DVL2: variants seen among roughly 807,000 people sequenced by gnomAD.
DVL2 encodes the protein dishevelled segment polarity protein 2.
Under a neutral mutation model 69.8 loss-of-function variants are expected in DVL2, and 38 were observed. The observed-to-expected ratio is 0.54, with a 90% confidence interval of 0.42 to 0.71. DVL2 has a LOEUF of 0.71. DVL2 is among the 30% of genes least tolerant of loss of function. DVL2 has a pLI of 0.00. For synonymous variants in DVL2, 428 were observed against 392.4 expected (o/e 1.09, Z -1.07); for missense variants, 931 against 1,008.1 (o/e 0.92, Z 1.04).
At chr17:7,228,933 G>A (rs760224137) in intron 9 of DVL2, 36 bp downstream of exon 9, 1 of 1,591,926 alleles carries the variant, frequency 6.3e-7, no homozygotes, top group Non-Finnish European at 8.6e-7. Flanking sequence ...GAAAAAAAAA[G>A]AGGACTGAGG....
At position 7,225,516 on chromosome 17, in the gene DVL2, A is replaced by T. The variant is rs571452465; in HGVS notation, c.*349T>A. ...CCTGCAAAGGGCAGGGCTGTGGGTA[A>T]CTGGAGGAGGAGGTCACATTCTGGG... On this transcript the variant is annotated 3_prime_UTR_variant, in exon 15 of 15. Transcript: ENST00000005340. 13 of 412,930 alleles carry T rather than the reference A, an allele frequency of 3.1e-5. No individual in the cohort carries two copies. The East Asian group carries it at 6.5e-4, about 21-fold the overall frequency. The allele number at this position is 412,930 out of a possible 1,614,324, so 25.6% of individuals were successfully genotyped here.
intron 2 of DVL2, 102 bp downstream of exon 2, chr17:7,230,626 G>A: frequency 7.3e-7 from 1 of 1,362,118 alleles, no homozygotes; most frequent in Non-Finnish European, 1.0e-6. Flanking sequence ...AAAGAGCCAG[G>A]GCTGCTAACG....
In DVL2 at chr17:7,229,925, C is replaced by A; in HGVS notation, c.539G>T (p.Gly180Val). The change falls in exon 5 of 15, where the codon GGT becomes GTT. Residue 180 changes from glycine to valine, a missense_variant. By Grantham distance (109) the Gly-to-Val change is moderately radical. Around this residue, in one of 3 missense-constraint regions of DVL2, gnomAD observed 555 missense variants for 588.8 expected, o/e 0.94. Coordinates refer to ENST00000005340, the MANE Select transcript of DVL2 (RefSeq NM_004422.3). This position sits in a 1 kb window ranked among gnomAD's most constrained non-coding sequence, Gnocchi z 4.4. ...SEHGAGGHRT[G>V]GPSRLERHLA... is the part of the protein sequence containing the mutation. ...GTGGCGCTCCAGCCTTGAGGGGCCA[C>A]CAGTCCTGTGGCCCCCAGCTACATA... The A allele has an allele frequency of 6.2e-7, 1 of 1,608,748 alleles. No individual in the cohort carries two copies. The highest frequency in any genetic ancestry group is 8.5e-7 in the Non-Finnish European group (1 of 1,179,852).
At position 7,229,933 on chromosome 17, in the gene DVL2, G is replaced by A; in HGVS notation, c.531C>T (p.His177=). 1 of 1,608,366 alleles carries A rather than the reference G, an allele frequency of 6.2e-7. No homozygotes were observed. Among genetic ancestry groups the A allele is most frequent in the Non-Finnish European group, 8.5e-7 (1 of 1,179,796 alleles). ...CCAGCCTTGAGGGGCCACCAGTCCT[G>A]TGGCCCCCAGCTACATATGGACAGG... ...RDSSEHGAGG[H]RTGGPSRLER... Residue 177 remains histidine (H), a synonymous_variant, in exon 5 of 15, where the codon CAC becomes CAT. Transcript: ENST00000005340. The surrounding 1 kb of genome is among the most constrained non-coding windows in gnomAD (Gnocchi z 4.4).
chr17:7,230,200 G>A, intron 3 of DVL2, 45 bp from the exon 4 acceptor site: 1 of 1,610,768 alleles, frequency 6.2e-7, no homozygotes, highest in South Asian at 1.1e-5. Context: ...GGAGAACAGG[G>A]CTCCGGATCC....
chr17:7,233,239 C>A (rs1438874144), intron 1 of DVL2, among the ~76,000 whole-genome samples: 1 of 152,136 alleles, frequency 6.6e-6, no homozygotes, highest in Non-Finnish European at 1.5e-5. Context: ...ATAGCCCAAT[C>A]TATTCTAGCA....
intron 11 of DVL2, 24 bp downstream of exon 11, chr17:7,227,631 G>C: frequency 6.2e-7 from 1 of 1,614,184 alleles, no homozygotes; most frequent in Non-Finnish European, 8.5e-7. Flanking sequence ...TGGGAGGGTG[G>C]GATGAGGTGG....
intron 9 of DVL2, 85 bp downstream of exon 9, chr17:7,228,884 C>CT: frequency 7.0e-7 from 1 of 1,432,994 alleles, no homozygotes; most frequent in Non-Finnish European, 9.7e-7. Flanking sequence ...GCCCGGCTGT[C>CT]TTAGTACTTA....
At position 7,230,446 on chromosome 17, in the gene DVL2, T is replaced by C; in HGVS notation, c.265-16A>G. On this transcript the variant is annotated splice_polypyrimidine_tract_variant and intron_variant, in intron 2 of 14. Transcript: ENST00000005340. Reference sequence around the variant, plus strand: ...AGGACACCAGCTAGAAGGGTGCAAATGATAAACAGTGGCTCACTTGGGAGT... The same window carrying C: ...AGGACACCAGCTAGAAGGGTGCAAACGATAAACAGTGGCTCACTTGGGAGT... The C allele has an allele frequency of 6.2e-7, 1 of 1,611,776 alleles. No individual in the cohort carries two copies. The highest frequency in any genetic ancestry group is 8.5e-7 in the Non-Finnish European group (1 of 1,178,318).
At position 7,230,762 on chromosome 17, in the gene DVL2, CG is replaced by C; in HGVS notation, c.229del (p.Arg77AlafsTer80). ...VKEEISDDNA[R>X]LPCFNGRVVS... is the part of the protein sequence containing the mutation. ...CACCCTTCCGTTGAAGCAGGGGAGG[CG>C]GGCGTTGTCATCTGAAATTTCTTCC... On this transcript the variant is annotated frameshift_variant, in exon 2 of 15. Coordinates refer to ENST00000005340, the MANE Select transcript of DVL2 (RefSeq NM_004422.3). LOFTEE classifies it high-confidence loss of function. 1 of 1,613,362 alleles carries C rather than the reference CG, an allele frequency of 6.2e-7. No individual in the cohort carries two copies. The highest frequency in any genetic ancestry group is 1.7e-4 in the Middle Eastern group (1 of 6,054).
In DVL2 at chr17:7,229,742, A is replaced by C. The variant is rs756349052; in HGVS notation, c.657-64T>G. On this transcript the variant is annotated intron_variant, in intron 5 of 14. Transcript: ENST00000005340. This position sits in a 1 kb window ranked among gnomAD's most constrained non-coding sequence, Gnocchi z 4.4. ...AGTGGTCATGGGGCCAAGAGAAAGA[A>C]CAAGAGGATTGACTGGAAGACGAGA... is the stretch of plus-strand genomic sequence containing the variant. The C allele has an allele frequency of 1.1e-4, 173 of 1,585,960 alleles. No homozygotes were observed. The highest frequency in any genetic ancestry group is 1.5e-4 in the Non-Finnish European group (169 of 1,162,344).
chr17:7,230,394 G>A lies in DVL2; in HGVS notation c.301C>T (p.Pro101Ser), dbSNP rs1261612115. The A allele has an allele frequency of 1.2e-6, 2 of 1,614,170 alleles. No individual in the cohort carries two copies. Among genetic ancestry groups the A allele is most frequent in the Admixed American group, 3.3e-5 (2 of 60,022 alleles). Residue 101 changes from proline to serine, a missense_variant, in exon 3 of 15, where the codon CCT becomes TCT. Physicochemically the swap from Pro to Ser is moderately conservative, Grantham distance 74. This residue lies in a region of DVL2 where 555 missense variants were observed against 588.8 expected (regional missense o/e 0.94). Coordinates refer to ENST00000005340, the MANE Select transcript of DVL2 (RefSeq NM_004422.3). ...SSDNPQPEMA[P>S]PVHEPRAELA... ...TCTGCCCGAGGCTCATGGACTGGAGGGGCCATCTCGGGTTGGGGATTATCT... is the reference window on the plus strand; with the variant it reads ...TCTGCCCGAGGCTCATGGACTGGAGAGGCCATCTCGGGTTGGGGATTATCT...
At position 7,227,801 on chromosome 17, in the gene DVL2, C is replaced by T. The variant is rs377746549; in HGVS notation, c.1103-18G>A. 2 of 1,560,062 alleles carry T rather than the reference C, an allele frequency of 1.3e-6. No individual in the cohort carries two copies. The highest frequency in any genetic ancestry group is 3.9e-5 in the Admixed American group (2 of 51,798). On this transcript the variant is annotated intron_variant, in intron 10 of 14. Coordinates refer to ENST00000005340, the MANE Select transcript of DVL2 (RefSeq NM_004422.3). ...GGGCTCATCTGGGACAAAGATGGCA[C>T]CAAAATGACCCATTCTCAGTCCCCA...
Position 7,226,620 on chromosome 17 carries a change from G to A in DVL2, c.1563C>T (p.Leu521=), listed in dbSNP as rs764939670. Residue 521 remains leucine, a synonymous_variant, in exon 14 of 15, where the codon CTC becomes CTT. Transcript: ENST00000005340. ...CCCCACTGGAGCCATCGTTGTCATT[G>A]AGAGACAGGTTGACTAGGTCTGGAA... ...GCESYLVNLS[L]NDNDGSSGAS... The A allele has an allele frequency of 6.4e-7, 1 of 1,573,072 alleles. No individual in the cohort carries two copies.
chr17:7,226,541 G>C lies in DVL2; in HGVS notation c.1642C>G (p.Leu548Val). ...GGGTATTGGTAGGAGAAAGTGGGCA[G>C]CAGGGGCCAGGGGGTGGCCCCAGGC... ...PLPGATPWPL[L>V]PTFSYQYPAP... Residue 548 changes from leucine (L) to valine (V), a missense_variant, in exon 14 of 15, where the codon CTG becomes GTG. By Grantham distance (32) the Leu-to-Val change is conservative (BLOSUM62 1). This residue lies in a region of DVL2 where 314 missense variants were observed against 313.7 expected (regional missense o/e 1.00). Transcript: ENST00000005340. 1 of 1,609,476 alleles carries C rather than the reference G, an allele frequency of 6.2e-7. No homozygotes were observed. The highest frequency in any genetic ancestry group is 8.5e-7 in the Non-Finnish European group (1 of 1,178,042).
chr17:7,232,311 T>C (rs764339242), intron 1 of DVL2, among the ~76,000 whole-genome samples: 3 of 152,192 alleles, frequency 2.0e-5, no homozygotes, highest in East Asian at 1.9e-4. Context: ...TAGCCTAATA[T>C]GGTCATGGGA....
At position 7,232,189 on chromosome 17, in the gene DVL2, G is replaced by A. The variant is rs143035410; in HGVS notation, c.195-1392C>T. 1.7e-3 allele frequency among the ~76,000 whole-genome samples: 252 copies of A among 152,206 alleles called. 1 individual carries two copies. The highest frequency in any genetic ancestry group is 5.7e-3 in the African/African-American group (238 of 41,536). On this transcript the variant is annotated intron_variant, in intron 1 of 14. Coordinates refer to ENST00000005340, the MANE Select transcript of DVL2 (RefSeq NM_004422.3). ...CACTTAAGCATTAACAAATACTGTC[G>A]ACTAAATGAATAAACGTATAAAGCA...
At chr17:7,228,773 G>A (rs894843038) in intron 9 of DVL2, 196 bp downstream of exon 9, 37 of 577,786 alleles carry the variant, frequency 6.4e-5, no homozygotes, top group Admixed American at 6.4e-4. Flanking sequence ...GTAGAGACAC[G>A]GTTTCACCAC....
chr17:7,229,520 GCACCGCC>G lies in DVL2; in HGVS notation c.747+61_747+67del. The G allele has an allele frequency of 6.2e-7, 1 of 1,611,426 alleles. No individual in the cohort carries two copies. Among genetic ancestry groups the G allele is most frequent in the Non-Finnish European group, 8.5e-7 (1 of 1,177,966 alleles). The stretch of plus-strand genomic sequence containing the variant: ...ACCCTGGGGTGCTGCCGGTGTCCTG[GCACCGCC>G]CAAACCAAAGCCCATGCCCCACCTT... On this transcript the variant is annotated intron_variant, in intron 6 of 14. Coordinates refer to ENST00000005340, the MANE Select transcript of DVL2 (RefSeq NM_004422.3). This position sits in a 1 kb window ranked among gnomAD's most constrained non-coding sequence, Gnocchi z 4.4.
Sources: gnomAD v4.1 joint callset for allele counts (sites outside exome capture counted in the v4.1 genomes callset) on GRCh38, gnomAD v4.1.1 for gene constraint, gnomAD v4.1.1 regional missense constraint, Gnocchi (gnomAD v3.1) non-coding constraint, MANE v1.5 for transcripts, NCBI Gene and HGNC (gene_info 2026-07-23, HGNC 2026-07-21) for gene names.